The following GAREM1 variants were observed in gnomAD, a reference collection of about 807,000 sequenced individuals.
GAREM1 encodes GRB2 associated regulator of MAPK1 subtype 1.
GAREM1 carries 26 observed loss-of-function variants against 71.3 expected under a neutral mutation model. That is an observed-to-expected ratio of 0.36 (90% confidence interval 0.27 to 0.51). The LOEUF (loss-of-function observed/expected upper bound fraction) is 0.51. GAREM1 is among the 20% of genes least tolerant of loss of function. GAREM1 has a pLI of 0.95. For synonymous variants in GAREM1, 440 were observed against 433.2 expected (o/e 1.02, Z -0.20); for missense variants, 1,026 against 1,103.1 (o/e 0.93, Z 0.99).
intron 1 of GAREM1, among the ~76,000 whole-genome samples, chr18:32,451,817 A>G (rs1039669010): frequency 6.6e-6 from 1 of 152,168 alleles, no homozygotes; most frequent in African/African-American, 2.4e-5. Context: ...TTGGAGGAGC[A>G]TGTTTGCAAA....
intron 2 of GAREM1, among the ~76,000 whole-genome samples, chr18:32,331,018 C>T (rs2047529196): frequency 6.6e-6 from 1 of 152,136 alleles, no homozygotes. Flanking sequence ...CCAAACCAAG[C>T]GCTGTAGTTC....
At chr18:32,431,066 A>T (rs912811213) in intron 1 of GAREM1, among the ~76,000 whole-genome samples, 1 of 152,162 alleles carries the variant, frequency 6.6e-6, no homozygotes, top group African/African-American at 2.4e-5. Flanking sequence ...CAACTCGTCA[A>T]ATGCTTTAAG....
At chr18:32,434,855 C>T (rs956334156) in intron 1 of GAREM1, among the ~76,000 whole-genome samples, 1 of 152,072 alleles carries the variant, frequency 6.6e-6, no homozygotes, top group Non-Finnish European at 1.5e-5. Context: ...AAGTAACTCT[C>T]TCCAAATATT....
chr18:32,393,901 C>T (rs1371890485), intron 1 of GAREM1, among the ~76,000 whole-genome samples: 1 of 152,096 alleles, frequency 6.6e-6, no homozygotes. Flanking sequence ...AAAAGGCTAA[C>T]TTTTTATACA....
chr18:32,424,637 T>C (rs1259195279), intron 1 of GAREM1, among the ~76,000 whole-genome samples: 2 of 152,188 alleles, frequency 1.3e-5, no homozygotes, highest in African/African-American at 4.8e-5. Flanking sequence ...ATACTGTATA[T>C]ATTTGGAACC....
chr18:32,369,222 G>A (rs1021674990), intron 2 of GAREM1, among the ~76,000 whole-genome samples: 1 of 152,204 alleles, frequency 6.6e-6, no homozygotes, highest in African/African-American at 2.4e-5. Flanking sequence ...GGTGCGGAAA[G>A]GCTTTTCACA....
chr18:32,328,960 C>A (rs1057182934), intron 2 of GAREM1, among the ~76,000 whole-genome samples: 1 of 152,114 alleles, frequency 6.6e-6, no homozygotes, highest in Non-Finnish European at 1.5e-5. Context: ...AAGACACCAC[C>A]ACCAATACAA....
At chr18:32,425,322 A>G (rs2048564105) in intron 1 of GAREM1, among the ~76,000 whole-genome samples, 2 of 152,230 alleles carry the variant, frequency 1.3e-5, no homozygotes, top group South Asian at 4.1e-4. Context: ...ACTACTGTGA[A>G]GATTTCTTTA....
Position 32,402,763 on chromosome 18 carries a change from C to T in GAREM1, c.122-9728G>A, listed in dbSNP as rs184534299. On this transcript the variant is annotated intron_variant, in intron 1 of 5. Coordinates refer to ENST00000269209, the MANE Select transcript of GAREM1 (RefSeq NM_001242409.2). ...ACTTTATTTCCCACACATTTTCTAA[C>T]TAGATATCCCCCTGCCCTTCATTAG... Among the ~76,000 whole-genome samples the T allele has an allele frequency of 7.9e-5, 12 of 152,254 alleles. No homozygotes were observed. The East Asian group carries it at 2.1e-3, about 27-fold the overall frequency.
intron 3 of GAREM1, among the ~76,000 whole-genome samples, chr18:32,295,572 G>T (rs189097989): frequency 1.3e-5 from 2 of 152,276 alleles, no homozygotes; most frequent in African/African-American, 4.8e-5. Flanking sequence ...TATGTGTTTA[G>T]AAAACTAGGA....
chr18:32,393,288 A>G (rs2048220944), intron 1 of GAREM1, among the ~76,000 whole-genome samples: 1 of 152,078 alleles, frequency 6.6e-6, no homozygotes, highest in Non-Finnish European at 1.5e-5. Context: ...TTCAAATATC[A>G]CATTATACCT....
intron 2 of GAREM1, among the ~76,000 whole-genome samples, chr18:32,334,423 G>A (rs1427648731): frequency 6.6e-6 from 1 of 152,138 alleles, no homozygotes; most frequent in African/African-American, 2.4e-5. Context: ...AAATAGGAAA[G>A]TGCAAATACT....
chr18:32,327,652 T>C (rs571967229), intron 2 of GAREM1, among the ~76,000 whole-genome samples: 4 of 152,344 alleles, frequency 2.6e-5, no homozygotes, highest in South Asian at 2.1e-4. Context: ...ATTAAATACA[T>C]GAAGTTGGGT....
At chr18:32,279,717 C>A (rs181094662) in intron 4 of GAREM1, among the ~76,000 whole-genome samples, 1 of 152,188 alleles carries the variant, frequency 6.6e-6, no homozygotes, top group African/African-American at 2.4e-5. Flanking sequence ...CCTCCCCCAA[C>A]GCCAGGTCCG....
intron 2 of GAREM1, among the ~76,000 whole-genome samples, chr18:32,333,828 C>T (rs1285394203): frequency 6.6e-6 from 1 of 152,094 alleles, no homozygotes; most frequent in East Asian, 1.9e-4. Context: ...AGGTGCTTAT[C>T]ATTGGTGTCA....
At chr18:32,375,393 C>A (rs906362622) in intron 2 of GAREM1, among the ~76,000 whole-genome samples, 11 of 152,100 alleles carry the variant, frequency 7.2e-5, no homozygotes, top group Non-Finnish European at 1.5e-4. Context: ...ATGGCCATCC[C>A]AGAGCAAAAA....
intron 4 of GAREM1, among the ~76,000 whole-genome samples, chr18:32,273,022 A>G (rs2041486013): frequency 6.6e-6 from 1 of 152,162 alleles, no homozygotes; most frequent in Non-Finnish European, 1.5e-5. Context: ...CTTAGGGAAT[A>G]TCTATAGAAT....
chr18:32,339,618 C>T (rs1001879490), intron 2 of GAREM1, among the ~76,000 whole-genome samples: 2 of 152,190 alleles, frequency 1.3e-5, no homozygotes, highest in Non-Finnish European at 2.9e-5. Context: ...CTCTTCCTAG[C>T]CCAGACCACC....
intron 2 of GAREM1, among the ~76,000 whole-genome samples, chr18:32,364,444 C>T (rs1377412099): frequency 1.3e-5 from 2 of 151,788 alleles, no homozygotes; most frequent in Non-Finnish European, 1.5e-5. Context: ...CGTGCAAGTG[C>T]GTGCATGCAC....
Sources: gnomAD v4.1 joint callset for allele counts (sites outside exome capture counted in the v4.1 genomes callset) on GRCh38, gnomAD v4.1.1 for gene constraint, MANE v1.5 for transcripts, NCBI Gene and HGNC (gene_info 2026-07-23, HGNC 2026-07-21) for gene names.